Variants in CCSER1 observed in about 807,000 individuals in gnomAD.
CCSER1 encodes coiled-coil serine rich protein 1, also known as serine-rich coiled-coil domain-containing protein 1.
A neutral mutation model predicts 82.0 loss-of-function variants in CCSER1; 41 were observed. The observed-to-expected ratio is 0.50, with a 90% confidence interval of 0.39 to 0.65. The LOEUF (loss-of-function observed/expected upper bound fraction) is 0.65. Among genes scored for constraint, CCSER1 ranks in the 30% least tolerant of loss-of-function variants. CCSER1 has a pLI of 0.00. For synonymous variants in CCSER1, 414 were observed against 383.9 expected (o/e 1.08, Z -0.92); for missense variants, 1,119 against 1,064.2 (o/e 1.05, Z -0.72).
chr4:91,360,006 T>C (rs1290826265), intron 10 of CCSER1, among the ~76,000 whole-genome samples: 1 of 151,896 alleles, frequency 6.6e-6, no homozygotes, highest in African/African-American at 2.4e-5. Flanking sequence ...TACACAATTA[T>C]AAAATTTCAA....
chr4:91,151,557 T>C (rs953021323), intron 10 of CCSER1, among the ~76,000 whole-genome samples: 13 of 152,198 alleles, frequency 8.5e-5, no homozygotes, highest in Admixed American at 7.2e-4. Context: ...TTGTTTTAAT[T>C]GTGATGTTAG....
intron 4 of CCSER1, among the ~76,000 whole-genome samples, chr4:90,420,881 T>A (rs2153560572): frequency 6.6e-6 from 1 of 152,192 alleles, no homozygotes; most frequent in African/African-American, 2.4e-5. Context: ...GTTTTTCTGG[T>A]GCAATTAGAA....
At chr4:91,147,969 A>G (rs1729714210) in intron 10 of CCSER1, among the ~76,000 whole-genome samples, 4 of 152,192 alleles carry the variant, frequency 2.6e-5, no homozygotes, top group African/African-American at 9.7e-5. Context: ...ATATTTCTTT[A>G]GTAGATATAG....
chr4:91,521,862 C>T (rs377366982), intron 10 of CCSER1, among the ~76,000 whole-genome samples: 19 of 152,194 alleles, frequency 1.2e-4, no homozygotes, highest in African/African-American at 2.9e-4. Context: ...TTCCTTTTGC[C>T]GTGCAGAAGC....
In CCSER1 at chr4:90,999,181, T is replaced by C. The variant is rs185118115; in HGVS notation, c.2172+75734T>C. Reference sequence around the variant, plus strand: ...ATATCTTTGCTATTGTGAATAGTATTGCGATGAACATGTGAGTGCTGTCCC... The same window carrying C: ...ATATCTTTGCTATTGTGAATAGTATCGCGATGAACATGTGAGTGCTGTCCC... On this transcript the variant is annotated intron_variant, in intron 9 of 10. Transcript: ENST00000509176. Among the ~76,000 whole-genome samples the C allele has an allele frequency of 1.1e-4, 16 of 152,334 alleles. No individual in the cohort carries two copies. In the East Asian group the frequency reaches 3.1e-3, roughly 29 times the overall value.
intron 10 of CCSER1, chr4:91,319,702 G>C (rs1291656814): frequency 1.1e-5 from 5 of 455,804 alleles, no homozygotes; most frequent in Non-Finnish European, 2.2e-5. Flanking sequence ...TGATTTCCCT[G>C]TGTGTCCCTC....
chr4:90,191,351 A>G (rs1256548060), intron 1 of CCSER1, among the ~76,000 whole-genome samples: 1 of 152,032 alleles, frequency 6.6e-6, no homozygotes, highest in Non-Finnish European at 1.5e-5. Context: ...TATACGGAGA[A>G]TGAGATAGAT....
rs1336558537 is a variant in CCSER1, at chr4:90,499,339, A to G, written c.1724+30985A>G. Among the ~76,000 whole-genome samples the G allele has an allele frequency of 2.0e-5, 3 of 152,098 alleles. No individual in the cohort carries two copies. In the South Asian group the frequency reaches 6.2e-4, roughly 31 times the overall value. ...TTACTCAGGAACTACCAAGAGATCTATTTCATGTCTCTATATATGAAATGC... is the reference window on the plus strand; with the variant it reads ...TTACTCAGGAACTACCAAGAGATCTGTTTCATGTCTCTATATATGAAATGC... On this transcript the variant is annotated intron_variant, in intron 5 of 10. Coordinates refer to ENST00000509176, the MANE Select transcript of CCSER1 (RefSeq NM_001145065.2).
intron 10 of CCSER1, among the ~76,000 whole-genome samples, chr4:91,592,041 T>G (rs949505875): frequency 1.3e-5 from 2 of 152,192 alleles, no homozygotes; most frequent in African/African-American, 4.8e-5. Flanking sequence ...TGCCAGGTAC[T>G]GGTAGGACAT....
At chr4:91,225,296 GTATATATATTA>G (rs1560528313) in intron 10 of CCSER1, among the ~76,000 whole-genome samples, 26 of 30,172 alleles carry the variant, frequency 8.6e-4, no homozygotes, top group Middle Eastern at 0.023. Context: ...TAATATATAT[GTATATATATTA>G]TATATGTAAT....
At chr4:90,181,536 A>G (rs1388553388) in intron 1 of CCSER1, among the ~76,000 whole-genome samples, 2 of 152,178 alleles carry the variant, frequency 1.3e-5, no homozygotes, top group Non-Finnish European at 2.9e-5. Flanking sequence ...AATAATATTT[A>G]AGAAAGAAAC....
intron 10 of CCSER1, among the ~76,000 whole-genome samples, chr4:91,435,170 G>A (rs1442199762): frequency 1.3e-5 from 2 of 152,192 alleles, no homozygotes; most frequent in Non-Finnish European, 2.9e-5. Flanking sequence ...TGGGTGTAGT[G>A]GCCCATGCCT....
chr4:90,459,602 T>C (rs953576944), intron 4 of CCSER1, among the ~76,000 whole-genome samples: 2 of 152,224 alleles, frequency 1.3e-5, no homozygotes, highest in African/African-American at 4.8e-5. Context: ...TCTAGATGGC[T>C]TCTTTCTGTG....
At chr4:90,531,043 G>A (rs1302840709) in intron 5 of CCSER1, among the ~76,000 whole-genome samples, 2 of 152,134 alleles carry the variant, frequency 1.3e-5, no homozygotes, top group Non-Finnish European at 2.9e-5. Context: ...GGCTGACAAT[G>A]AGTACGAATT....
At chr4:91,260,787 GTCT>G (rs1158070498) in intron 10 of CCSER1, among the ~76,000 whole-genome samples, 1 of 151,676 alleles carries the variant, frequency 6.6e-6, no homozygotes, top group African/African-American at 2.4e-5. Flanking sequence ...TTGAGAGGGA[GTCT>G]CACTCAGTCG....
intron 3 of CCSER1, among the ~76,000 whole-genome samples, chr4:90,320,841 T>G (rs914880331): frequency 6.6e-6 from 1 of 152,162 alleles, no homozygotes; most frequent in Non-Finnish European, 1.5e-5. Context: ...TACACTTAAC[T>G]CACTTCTTAA....
At chr4:91,542,444 T>G (rs533404858) in intron 10 of CCSER1, among the ~76,000 whole-genome samples, 1 of 152,246 alleles carries the variant, frequency 6.6e-6, no homozygotes, top group Non-Finnish European at 1.5e-5. Flanking sequence ...GCTTTCTACA[T>G]ATGGCTAGCT....
chr4:90,516,254 A>G (rs933663846), intron 5 of CCSER1, among the ~76,000 whole-genome samples: 1 of 152,194 alleles, frequency 6.6e-6, no homozygotes, highest in Non-Finnish European at 1.5e-5. Context: ...TCTGGAGCTT[A>G]TAGAAAGGGT....
At chr4:91,192,688 A>G (rs990645687) in intron 10 of CCSER1, among the ~76,000 whole-genome samples, 1 of 152,100 alleles carries the variant, frequency 6.6e-6, no homozygotes, top group Non-Finnish European at 1.5e-5. Context: ...GTTGACAAAG[A>G]TTCTGTCTTC....
Sources: gnomAD v4.1 joint callset for allele counts (sites outside exome capture counted in the v4.1 genomes callset) on GRCh38, gnomAD v4.1.1 for gene constraint, MANE v1.5 for transcripts, NCBI Gene and HGNC (gene_info 2026-07-23, HGNC 2026-07-21) for gene names.